Variants in NSF observed in about 807,000 individuals in gnomAD.
NSF encodes the protein vesicle-fusing ATPase.
A neutral mutation model predicts 50.3 loss-of-function variants in NSF; 14 were observed. The ratio of observed to expected loss-of-function variants is 0.28; its 90% CI spans 0.18 to 0.44. NSF has a LOEUF of 0.44. NSF is among the 20% of genes least tolerant of loss of function. NSF has a pLI of 1.00. For synonymous variants in NSF, 109 were observed against 175.7 expected (o/e 0.62, Z 3.00); for missense variants, 218 against 504.3 (o/e 0.43, Z 5.44).
intron 11 of NSF, among the ~76,000 whole-genome samples, chr17:46,694,127 G>C: frequency 7.5e-6 from 1 of 132,784 alleles, no homozygotes; most frequent in South Asian, 2.3e-4. Flanking sequence ...GCTCACACCT[G>C]TAATCCCAGC....
Position 46,726,590 on chromosome 17 carries a change from T to G in NSF, c.1803T>G (p.Val601=), listed in dbSNP as rs1475145990. The change falls in exon 16 of 21, where the codon GTT becomes GTG. Residue 601 remains valine, a synonymous_variant. Transcript: ENST00000398238. ...DAYKSQLSCV[V]VDDIERLLDY... Reference sequence around the variant, plus strand: ...ACAAATCCCAGCTCAGTTGTGTGGTTGTGGATGACATTGAGAGATTGCTTG... The same window carrying G: ...ACAAATCCCAGCTCAGTTGTGTGGTGGTGGATGACATTGAGAGATTGCTTG... 6.2e-7 allele frequency: 1 copy of G among 1,614,050 alleles called. No homozygotes were observed. Among genetic ancestry groups the G allele is most frequent in the Admixed American group, 1.7e-5 (1 of 60,020 alleles).
In NSF at chr17:46,694,315, A is replaced by T. The variant is rs1358529429; in HGVS notation, c.1187-160A>T. Among the ~76,000 whole-genome samples, 2 of 139,622 alleles carry T rather than the reference A, an allele frequency of 1.4e-5. 1 individual carries two copies. Among genetic ancestry groups the T allele is most frequent in the African/African-American group, 5.9e-5 (2 of 33,682 alleles). 91.6% of individuals were successfully genotyped at this position (139,622 alleles called of 152,430 possible). A position where few individuals can be genotyped will look rare whatever the true frequency, so the allele number is the denominator to read the frequency against. On this transcript the variant is annotated intron_variant, in intron 11 of 20. Transcript: ENST00000398238. Reference sequence around the variant, plus strand: ...GATAGGAGAATCGCCTGAATCCAGGAGGCAGAGGTTGCAGTGAGCTGAGAT... The same window carrying T: ...GATAGGAGAATCGCCTGAATCCAGGTGGCAGAGGTTGCAGTGAGCTGAGAT...
At chr17:46,750,034 C>G in intron 18 of NSF, 127 bp downstream of exon 18, 1 of 1,099,020 alleles carries the variant, frequency 9.1e-7, no homozygotes, top group Non-Finnish European at 1.3e-6. Context: ...GGGGATATTA[C>G]AGGTTGTATA....
Position 46,728,880 on chromosome 17 carries a change from T to C in NSF, c.1854T>C (p.Phe618=). The C allele has an allele frequency of 6.2e-7, 1 of 1,609,780 alleles. No homozygotes were observed. The highest frequency in any genetic ancestry group is 8.5e-7 in the Non-Finnish European group (1 of 1,178,102). The change falls in exon 17 of 21, where the codon TTT becomes TTC. Residue 618 remains phenylalanine (F), a synonymous_variant. Coordinates refer to ENST00000398238, the MANE Select transcript of NSF (RefSeq NM_006178.4). ...LLDYVPIGPR[F]SNLVLQALLV... ...ATTACGTCCCTATTGGCCCTCGATT[T>C]TCAAATCTTGTATTACAGGCTCTTC... is the stretch of plus-strand genomic sequence containing the variant.
chr17:46,722,249 T>C, intron 15 of NSF: 8 of 1,148,096 alleles, frequency 7.0e-6, no homozygotes, highest in Non-Finnish European at 1.0e-5. Context: ...CCCTACATTC[T>C]TAAGATTAAT....
chr17:46,751,636 G>C lies in NSF; in HGVS notation c.2157+20G>C, dbSNP rs371178494. Reference sequence around the variant, plus strand: ...CTACAGGTAAGGTACTTCGTTCTCCGTATGACTCAGACAGAACAAAGCTTC... The same window carrying C: ...CTACAGGTAAGGTACTTCGTTCTCCCTATGACTCAGACAGAACAAAGCTTC... On this transcript the variant is annotated intron_variant, in intron 19 of 20. Transcript: ENST00000398238. The C allele has an allele frequency of 6.7e-7, 1 of 1,486,714 alleles. No individual in the cohort carries two copies. The highest frequency in any genetic ancestry group is 9.4e-7 in the Non-Finnish European group (1 of 1,065,564). The allele number at this position is 1,486,714 out of a possible 1,614,324, so 92.1% of individuals were successfully genotyped here.
At chr17:46,743,294 A>T (rs147630185) in intron 17 of NSF, among the ~76,000 whole-genome samples, 55 of 152,246 alleles carry the variant, frequency 3.6e-4, no homozygotes, top group Middle Eastern at 3.4e-3. Context: ...ACCTAACCGT[A>T]TGGATTCCTG....
At chr17:46,735,283 A>G (rs375672630) in intron 17 of NSF, among the ~76,000 whole-genome samples, 107 of 152,256 alleles carry the variant, frequency 7.0e-4, no homozygotes, top group African/African-American at 2.5e-3. Flanking sequence ...TAGTGTTGAG[A>G]CGAAATATTT....
chr17:46,752,574 G>A (rs2146343498), intron 19 of NSF, among the ~76,000 whole-genome samples: 1 of 152,206 alleles, frequency 6.6e-6, no homozygotes. Flanking sequence ...TCCCGTCTCA[G>A]CCTCCCAAGT....
At position 46,719,044 on chromosome 17, in the gene NSF, A is replaced by G. The variant is rs1440534805; in HGVS notation, c.1761+5058A>G. On this transcript the variant is annotated intron_variant, in intron 15 of 20. Coordinates refer to ENST00000398238, the MANE Select transcript of NSF (RefSeq NM_006178.4). The surrounding 1 kb of genome is among the most constrained non-coding windows in gnomAD (Gnocchi z 4.3). ...ACTAATTTACACTTGTAGCTTCACC[A>G]TATAAGAGTATGAGTTTCTTGGGAT... Among the ~76,000 whole-genome samples, 2 of 152,204 alleles carry G rather than the reference A, an allele frequency of 1.3e-5. No individual in the cohort carries two copies. The highest frequency in any genetic ancestry group is 6.5e-5 in the Admixed American group (1 of 15,290).
chr17:46,707,348 A>G (rs2058667020), intron 13 of NSF, among the ~76,000 whole-genome samples: 1 of 152,132 alleles, frequency 6.6e-6, no homozygotes, highest in Admixed American at 6.6e-5. Context: ...AGTTCTTTAT[A>G]TACTCTTTTT....
chr17:46,635,705 G>C (rs1340189318), intron 4 of NSF, among the ~76,000 whole-genome samples: 2 of 106,398 alleles, frequency 1.9e-5, no homozygotes, highest in Non-Finnish European at 4.2e-5. Context: ...TACGAGAGCT[G>C]CTACTGTATC....
intron 1 of NSF, among the ~76,000 whole-genome samples, chr17:46,601,678 A>G (rs1413959016): frequency 6.8e-6 from 1 of 147,950 alleles, no homozygotes; most frequent in Non-Finnish European, 1.5e-5. Context: ...GTTCCCATAT[A>G]TGTGTGGGTC....
chr17:46,722,166 A>G (rs1358168583), intron 15 of NSF: 33 of 1,611,540 alleles, frequency 2.0e-5, no homozygotes, highest in East Asian at 4.5e-5. Context: ...CGAACTGAAC[A>G]TGGCTTTCTC....
intron 2 of NSF, among the ~76,000 whole-genome samples, chr17:46,626,007 T>A (rs1240057176): frequency 1.3e-4 from 19 of 149,410 alleles, no homozygotes; most frequent in Non-Finnish European, 2.5e-4. Flanking sequence ...TTTTTTTTTT[T>A]ATTTACAGGT....
At chr17:46,718,630 C>G (rs918236218) in intron 15 of NSF, among the ~76,000 whole-genome samples, 2 of 152,200 alleles carry the variant, frequency 1.3e-5, no homozygotes, top group African/African-American at 4.8e-5. Context: ...AGTAGTATAA[C>G]ATGACCGAGA....
chr17:46,752,329 CA>C (rs2059189162), intron 19 of NSF, among the ~76,000 whole-genome samples: 1 of 152,178 alleles, frequency 6.6e-6, no homozygotes, highest in African/African-American at 2.4e-5. Flanking sequence ...CCTTATCTGA[CA>C]TACTAGGTAG....
rs117674170 is a variant in NSF at position 46,749,854 on chromosome 17, A to G, written c.1990A>G (p.Thr664Ala). The G allele has an allele frequency of 9.3e-6, 15 of 1,614,202 alleles. No homozygotes were observed. The highest frequency in any genetic ancestry group is 1.3e-5 in the Non-Finnish European group (15 of 1,180,026). Residue 664 changes from threonine (T) to alanine (A), a missense_variant, in exon 18 of 21, where the codon ACC becomes GCC. Coordinates refer to ENST00000398238, the MANE Select transcript of NSF (RefSeq NM_006178.4). ...EMEMLNAFSTTIHVPNIATGE... is the reference protein window; with the variant it reads ...EMEMLNAFSTAIHVPNIATGE... The stretch of plus-strand genomic sequence containing the variant: ...GGAAATGCTTAACGCTTTCAGCACC[A>G]CCATCCACGTGCCCAACATTGCCAC...
intron 8 of NSF, among the ~76,000 whole-genome samples, chr17:46,661,378 T>TTTATTATTA (rs892367324): frequency 0.013 from 1,404 of 106,466 alleles, no homozygotes; most frequent in Non-Finnish European, 0.016. Flanking sequence ...TACATTTCTT[T>TTTATTATTA]TTATTATTAT....
Sources: allele counts gnomAD v4.1 joint callset (sites outside exome capture counted in the v4.1 genomes callset), GRCh38; gene constraint gnomAD v4.1.1; non-coding constraint Gnocchi (gnomAD v3.1); transcripts MANE v1.5; gene names NCBI Gene and HGNC (gene_info 2026-07-23, HGNC 2026-07-21).